BBS9: variants seen among roughly 807,000 people sequenced by gnomAD.
BBS9 encodes Bardet-Biedl syndrome 9, also known as protein PTHB1.
Under a neutral mutation model 117.7 loss-of-function variants are expected in BBS9, and 89 were observed. The observed-to-expected ratio is 0.76, with a 90% CI of 0.64 to 0.90. The LOEUF (loss-of-function observed/expected upper bound fraction) is 0.90, where lower values mean the gene tolerates loss of function less well. Ranked by LOEUF, BBS9 falls within the 40% of genes least tolerant of loss-of-function variation. The probability of loss-of-function intolerance (pLI) is 0.00; values close to 1 mark genes in which losing one functional copy is unlikely to be tolerated. For synonymous variants in BBS9, 379 were observed against 370.9 expected, an observed-to-expected ratio of 1.02 and a Z score of -0.25; for missense variants, 982 against 1,042.2, an observed-to-expected ratio of 0.94 and a Z score of 0.80.
chr7:33,524,723 G>A (rs1342993275), intron 20 of BBS9, among the ~76,000 whole-genome samples: 1 of 151,898 alleles, frequency 6.6e-6, no homozygotes, highest in Non-Finnish European at 1.5e-5. Flanking sequence ...TTGATTTTTT[G>A]AAGGGTTTTT....
intron 19 of BBS9, among the ~76,000 whole-genome samples, chr7:33,404,848 C>A (rs1473829834): frequency 2.0e-5 from 3 of 152,072 alleles, no homozygotes; most frequent in Non-Finnish European, 4.4e-5. Context: ...CATTCTCCTG[C>A]CTAATTGCCC....
chr7:33,611,505 T>C (rs1864858208), intron 21 of BBS9, among the ~76,000 whole-genome samples: 1 of 141,876 alleles, frequency 7.0e-6, no homozygotes, highest in Non-Finnish European at 1.5e-5. Context: ...ATATATAAGG[T>C]ATATTATATA....
At chr7:33,174,277 C>T (rs776923035) in intron 4 of BBS9, among the ~76,000 whole-genome samples, 54 of 152,210 alleles carry the variant, frequency 3.5e-4, no homozygotes, top group African/African-American at 5.3e-4. Context: ...GTGGGTACCT[C>T]GCTTGGTCGC....
chr7:33,485,835 T>G (rs1464445977), intron 19 of BBS9, among the ~76,000 whole-genome samples: 1 of 152,194 alleles, frequency 6.6e-6, no homozygotes, highest in Non-Finnish European at 1.5e-5. Context: ...TTAACCAAAT[T>G]GTTCATTTTT....
At chr7:33,248,098 A>G (rs77407241) in intron 5 of BBS9, among the ~76,000 whole-genome samples, 5,798 of 152,304 alleles carry the variant, frequency 0.038, 201 homozygotes, top group African/African-American at 0.089. Flanking sequence ...AGAAGTTAAT[A>G]TGTAGACTTA....
intron 19 of BBS9, among the ~76,000 whole-genome samples, chr7:33,410,338 G>T (rs1313551439): frequency 3.9e-5 from 6 of 152,082 alleles, no homozygotes; most frequent in Non-Finnish European, 7.4e-5. Context: ...TCTTTAGGAA[G>T]CTTAGCCTCA....
rs539910167 is a variant in BBS9 at position 33,429,104 on chromosome 7, C to CT, written c.2115+40967dup. Among the ~76,000 whole-genome samples the CT allele has an allele frequency of 1.3e-4, 20 of 152,100 alleles. No individual in the cohort carries two copies. In the South Asian group the frequency reaches 4.2e-3, roughly 32 times the overall value. On this transcript the variant is annotated intron_variant, in intron 19 of 22. Transcript: ENST00000242067. The stretch of plus-strand genomic sequence containing the variant: ...ATTTCCCAAACTTAGACACTGAGTG[C>CT]TTTTTTTAGTGGAGCATGTATTAAC...
At chr7:33,543,580 A>G (rs570822093) in intron 21 of BBS9, among the ~76,000 whole-genome samples, 9 of 152,244 alleles carry the variant, frequency 5.9e-5, no homozygotes, top group South Asian at 4.1e-4. Flanking sequence ...TATTAATTTG[A>G]TAGGTTTTCC....
At chr7:33,448,511 G>A (rs1384505170) in intron 19 of BBS9, among the ~76,000 whole-genome samples, 1 of 152,176 alleles carries the variant, frequency 6.6e-6, no homozygotes. Flanking sequence ...TTCTTGAACT[G>A]TAAAAGAGGA....
intron 5 of BBS9, among the ~76,000 whole-genome samples, chr7:33,179,576 C>A (rs568689620): frequency 1.3e-5 from 2 of 152,102 alleles, no homozygotes; most frequent in South Asian, 4.1e-4. Context: ...TCCCATCATG[C>A]CAAGATGGGA....
intron 21 of BBS9, among the ~76,000 whole-genome samples, chr7:33,620,801 T>G (rs1865368389): frequency 6.6e-6 from 1 of 152,008 alleles, no homozygotes; most frequent in Non-Finnish European, 1.5e-5. Context: ...AGCAAAAAGA[T>G]CAAAGCTGGA....
intron 19 of BBS9, among the ~76,000 whole-genome samples, chr7:33,482,871 G>GTGAATGGGAATCATTTTCCATTTACTA (rs1453041427): frequency 1.7e-3 from 265 of 152,026 alleles, no homozygotes; most frequent in African/African-American, 5.8e-3. Context: ...ATTGAGTCCT[G>GTGAATGGGAATCATTTTCCATTTACTA]TGAATGGGAA....
chr7:33,322,356 CTTTTTTT>C (rs35411730), intron 9 of BBS9, among the ~76,000 whole-genome samples: 1 of 74,170 alleles, frequency 1.3e-5, no homozygotes, highest in Non-Finnish European at 2.7e-5. Context: ...GGGTCTCAGG[CTTTTTTT>C]TTTTTTTTTT....
At chr7:33,583,418 T>TA in intron 21 of BBS9, among the ~76,000 whole-genome samples, 1 of 152,198 alleles carries the variant, frequency 6.6e-6, no homozygotes, top group East Asian at 1.9e-4. Flanking sequence ...TTGATTCTCT[T>TA]TATATATATA....
At chr7:33,520,140 C>G (rs1282129262) in intron 20 of BBS9, among the ~76,000 whole-genome samples, 2 of 151,776 alleles carry the variant, frequency 1.3e-5, no homozygotes, top group Admixed American at 1.3e-4. Context: ...TCTTGAGTAG[C>G]TGGGATTACA....
At chr7:33,404,772 C>T (rs1829608457) in intron 19 of BBS9, among the ~76,000 whole-genome samples, 2 of 152,118 alleles carry the variant, frequency 1.3e-5, no homozygotes, top group African/African-American at 2.4e-5. Flanking sequence ...TCTAGATATA[C>T]AGTCATGTCG....
chr7:33,387,099 T>G (rs543526309), intron 18 of BBS9, among the ~76,000 whole-genome samples: 57 of 152,340 alleles, frequency 3.7e-4, no homozygotes, highest in Middle Eastern at 3.4e-3. Flanking sequence ...ATAGTCTTCC[T>G]TATTTAACCA....
At chr7:33,541,827 A>G (rs1017286158) in intron 21 of BBS9, among the ~76,000 whole-genome samples, 3 of 152,210 alleles carry the variant, frequency 2.0e-5, no homozygotes, top group African/African-American at 7.2e-5. Flanking sequence ...GCTAATGAGT[A>G]CAGAGTTTCC....
chr7:33,378,225 C>G (rs1396819450), intron 17 of BBS9, among the ~76,000 whole-genome samples: 1 of 152,140 alleles, frequency 6.6e-6, no homozygotes, highest in Non-Finnish European at 1.5e-5. Context: ...ATATGTTATT[C>G]ACTTGTTTAT....
Sources: gnomAD v4.1 joint callset for allele counts (sites outside exome capture counted in the v4.1 genomes callset) on GRCh38, gnomAD v4.1.1 for gene constraint, MANE v1.5 for transcripts, NCBI Gene and HGNC (gene_info 2026-07-23, HGNC 2026-07-21) for gene names.